The following DKK2 variants were observed in gnomAD, a reference collection of about 807,000 sequenced individuals.
DKK2 encodes dickkopf Wnt signaling pathway inhibitor 2, also known as dickkopf-related protein 2.
In DKK2, 11 loss-of-function variants were observed where a neutral mutation model predicts 28.1. That is an observed-to-expected ratio of 0.39 (90% CI 0.25 to 0.65). The LOEUF is 0.65. Among genes scored for constraint, DKK2 ranks in the 30% least tolerant of loss-of-function variants. DKK2 has a pLI of 0.47. For synonymous variants in DKK2, 135 were observed against 126.5 expected (o/e 1.07, Z -0.45); for missense variants, 326 against 335.5 (o/e 0.97, Z 0.22).
At chr4:107,024,147 T>G (rs1220333604) in intron 1 of DKK2, among the ~76,000 whole-genome samples, 1 of 152,122 alleles carries the variant, frequency 6.6e-6, no homozygotes, top group Non-Finnish European at 1.5e-5. Flanking sequence ...CTATAATGTG[T>G]CCAAAATATG....
At chr4:106,957,454 G>C (rs553266350) in intron 1 of DKK2, among the ~76,000 whole-genome samples, 1 of 151,990 alleles carries the variant, frequency 6.6e-6, no homozygotes, top group Non-Finnish European at 1.5e-5. Context: ...ACAGGCACAC[G>C]TATGTTTATT....
chr4:107,003,387 T>G (rs1419799426), intron 1 of DKK2, among the ~76,000 whole-genome samples: 2 of 152,228 alleles, frequency 1.3e-5, no homozygotes, highest in African/African-American at 4.8e-5. Flanking sequence ...CACCATCTTT[T>G]AGGCCCTAGC....
Position 107,025,899 on chromosome 4 carries a change from C to A in DKK2, c.222+9471G>T, listed in dbSNP as rs145012271. 3.8e-3 allele frequency among the ~76,000 whole-genome samples: 576 copies of A among 152,310 alleles called. 4 individuals are homozygous for A. The highest frequency in any genetic ancestry group is 0.013 in the African/African-American group (536 of 41,554). On this transcript the variant is annotated intron_variant, in intron 1 of 3. Transcript: ENST00000285311. ...AAATTTAAGGCAACTGAATGTAATT[C>A]TTCCACAAAGCTTTCTTATTCAAGA...
At chr4:106,949,513 A>G (rs1399421674) in intron 1 of DKK2, among the ~76,000 whole-genome samples, 2 of 152,188 alleles carry the variant, frequency 1.3e-5, no homozygotes, top group Non-Finnish European at 2.9e-5. Context: ...AAGCATAAAG[A>G]ATGATGTCTG....
In DKK2 at chr4:106,975,334, T is replaced by C. The variant is rs554644752; in HGVS notation, c.223-49385A>G. 8.3e-4 allele frequency among the ~76,000 whole-genome samples: 127 copies of C among 152,326 alleles called. 1 individual carries two copies. The highest frequency in any genetic ancestry group is 3.4e-3 in the Middle Eastern group (1 of 294). On this transcript the variant is annotated intron_variant, in intron 1 of 3. Coordinates refer to ENST00000285311, the MANE Select transcript of DKK2 (RefSeq NM_014421.3). ...AAGGAATTGTACCAGCTCCTCTTTG[T>C]ACCTCTGGTAGAATTCGGCTGTGAA...
At chr4:106,983,783 T>C (rs1275962789) in intron 1 of DKK2, among the ~76,000 whole-genome samples, 2 of 152,076 alleles carry the variant, frequency 1.3e-5, no homozygotes, top group Non-Finnish European at 2.9e-5. Context: ...ATAATCCTAT[T>C]AGAAAGTAGG....
chr4:106,967,457 G>A (rs1049573996), intron 1 of DKK2, among the ~76,000 whole-genome samples: 8 of 152,112 alleles, frequency 5.3e-5, no homozygotes, highest in African/African-American at 1.9e-4. Flanking sequence ...CCTGTGGCTG[G>A]AGAAAGCCTG....
chr4:106,952,775 T>G (rs1442698133), intron 1 of DKK2, among the ~76,000 whole-genome samples: 1 of 152,096 alleles, frequency 6.6e-6, no homozygotes, highest in African/African-American at 2.4e-5. Context: ...TAGGGAAAGA[T>G]CTGGGCATTT....
At chr4:107,027,306 T>G (rs957195385) in intron 1 of DKK2, among the ~76,000 whole-genome samples, 1 of 152,342 alleles carries the variant, frequency 6.6e-6, no homozygotes, top group African/African-American at 2.4e-5. Context: ...GATGAAGATT[T>G]TTTAGTCCAT....
At chr4:106,974,966 T>C (rs1560583893) in intron 1 of DKK2, among the ~76,000 whole-genome samples, 1 of 152,238 alleles carries the variant, frequency 6.6e-6, no homozygotes, top group Non-Finnish European at 1.5e-5. Context: ...TGTTGAATTT[T>C]ATTGAAGGCC....
intron 1 of DKK2, among the ~76,000 whole-genome samples, chr4:107,001,547 C>T (rs115908716): frequency 0.011 from 1,742 of 152,088 alleles, 36 homozygotes; most frequent in African/African-American, 0.04. Flanking sequence ...TTAAAAAAAA[C>T]GAGTACTCTT....
At chr4:106,941,111 A>G (rs1578350632) in intron 1 of DKK2, among the ~76,000 whole-genome samples, 2 of 152,066 alleles carry the variant, frequency 1.3e-5, no homozygotes, top group African/African-American at 2.4e-5. Context: ...AGTATAATAA[A>G]AAATAAAATA....
intron 1 of DKK2, among the ~76,000 whole-genome samples, chr4:106,971,804 A>G (rs1722871611): frequency 6.6e-6 from 1 of 152,098 alleles, no homozygotes; most frequent in Non-Finnish European, 1.5e-5. Flanking sequence ...TTGGCACCAC[A>G]TCAGTCTGGA....
intron 1 of DKK2, among the ~76,000 whole-genome samples, chr4:107,009,577 G>A (rs1255571201): frequency 7.2e-5 from 11 of 151,822 alleles, no homozygotes; most frequent in Non-Finnish European, 7.4e-5. Flanking sequence ...ATAACACAAA[G>A]CTGGGTAGGA....
At position 106,923,493 on chromosome 4, in the gene DKK2, C is replaced by T. The variant is rs189521358; in HGVS notation, c.*461G>A. 1 of 153,548 alleles carries T rather than the reference C, an allele frequency of 6.5e-6. No individual in the cohort carries two copies. The highest frequency in any genetic ancestry group is 1.9e-4 in the East Asian group (1 of 5,200). The allele number at this position is 153,548 out of a possible 1,614,324, so 9.5% of individuals were successfully genotyped here. Reference sequence around the variant, plus strand: ...CTCCATGTTTTCATTTCTTGTTTAGCAATTTTATTTTTAGAACCTATTGTA... The same window carrying T: ...CTCCATGTTTTCATTTCTTGTTTAGTAATTTTATTTTTAGAACCTATTGTA... On this transcript the variant is annotated 3_prime_UTR_variant, in exon 4 of 4. Transcript: ENST00000285311.
chr4:106,924,374 A>T (rs2110338656), intron 3 of DKK2, 170 bp from the exon 4 acceptor site: 1 of 1,240,056 alleles, frequency 8.1e-7, no homozygotes, highest in South Asian at 1.6e-5. Flanking sequence ...TTATCACATA[A>T]ATCTATTATG....
intron 1 of DKK2, among the ~76,000 whole-genome samples, chr4:106,986,673 A>G (rs1178847385): frequency 6.6e-6 from 1 of 152,156 alleles, no homozygotes; most frequent in African/African-American, 2.4e-5. Context: ...CACACACACC[A>G]TCATCAATGA....
At chr4:106,964,793 GA>G (rs2110351683) in intron 1 of DKK2, among the ~76,000 whole-genome samples, 1 of 152,238 alleles carries the variant, frequency 6.6e-6, no homozygotes, top group South Asian at 2.1e-4. Context: ...CAGAGAAGTA[GA>G]AATTCTGACT....
intron 1 of DKK2, among the ~76,000 whole-genome samples, chr4:106,966,829 C>G (rs544270845): frequency 6.6e-6 from 1 of 152,118 alleles, no homozygotes; most frequent in African/African-American, 2.4e-5. Context: ...TTCACTATCA[C>G]GAGAACAGTG....
Sources: allele counts gnomAD v4.1 joint callset (sites outside exome capture counted in the v4.1 genomes callset), GRCh38; gene constraint gnomAD v4.1.1; transcripts MANE v1.5; gene names NCBI Gene and HGNC (gene_info 2026-07-23, HGNC 2026-07-21).